The following RPS6KC1 variants were observed in gnomAD, a reference collection of about 807,000 sequenced individuals.
RPS6KC1 encodes the protein ribosomal protein S6 kinase C1, also known as inactive ribosomal protein S6 kinase delta-1.
A neutral mutation model predicts 103.8 loss-of-function variants in RPS6KC1; 54 were observed. That is an observed-to-expected ratio of 0.52 (90% CI 0.42 to 0.65). The LOEUF is 0.65. Ranked by LOEUF, RPS6KC1 falls within the 30% of genes least tolerant of loss-of-function variation. The probability of loss-of-function intolerance (pLI) is 0.00; values close to 1 mark genes in which losing one functional copy is unlikely to be tolerated. For missense variants in RPS6KC1, 1,151 were observed against 1,253.8 expected, an observed-to-expected ratio of 0.92 and a Z score of 1.24; for synonymous variants, 439 against 438.7, an observed-to-expected ratio of 1.00 and a Z score of -0.01.
the RPS6KC1 span, among the ~76,000 whole-genome samples, chr1:213,360,055 G>A: frequency 6.6e-6 from 1 of 152,156 alleles, no homozygotes; most frequent in Non-Finnish European, 1.5e-5. Flanking sequence ...TGTTCTCGAG[G>A]AGTATCTTTG....
the RPS6KC1 span, among the ~76,000 whole-genome samples, chr1:213,418,007 T>A: frequency 6.6e-6 from 1 of 152,116 alleles, no homozygotes; most frequent in Non-Finnish European, 1.5e-5. Flanking sequence ...GCTCTCTGAC[T>A]GAGGGGAAAG....
chr1:213,822,729 T>C, the RPS6KC1 span, among the ~76,000 whole-genome samples: 1 of 152,218 alleles, frequency 6.6e-6, no homozygotes, highest in Admixed American at 6.5e-5. Flanking sequence ...CATCCTGGCT[T>C]CTTCTCTTTC....
At chr1:213,278,930 G>T (rs183799305), downstream of RPS6KC1, among the ~76,000 whole-genome samples, 1 of 151,772 alleles carries the variant, frequency 6.6e-6, no homozygotes, top group Admixed American at 6.6e-5. Flanking sequence ...GAAAGTTCTC[G>T]GGGGGACAAA....
chr1:213,790,757 T>C, the RPS6KC1 span, among the ~76,000 whole-genome samples: 3 of 152,118 alleles, frequency 2.0e-5, no homozygotes, highest in East Asian at 1.9e-4. Flanking sequence ...GTGGAAATAT[T>C]TGTACAAGTT....
At chr1:213,523,694 A>G in the RPS6KC1 span, among the ~76,000 whole-genome samples, 2 of 152,214 alleles carry the variant, frequency 1.3e-5, no homozygotes, top group Admixed American at 6.5e-5. Context: ...GGGTTACAGA[A>G]ATTAATCAAA....
intron 8 of RPS6KC1, among the ~76,000 whole-genome samples, chr1:213,215,459 A>G (rs2093634335): frequency 6.6e-6 from 1 of 152,236 alleles, no homozygotes; most frequent in Non-Finnish European, 1.5e-5. Context: ...ACTCTGCAGA[A>G]TATTATCCAG....
chr1:213,741,126 A>G, the RPS6KC1 span, among the ~76,000 whole-genome samples: 1 of 150,138 alleles, frequency 6.7e-6, no homozygotes, highest in African/African-American at 2.4e-5. Flanking sequence ...TTTCTAATTG[A>G]TAGGTAATAA....
the RPS6KC1 span, among the ~76,000 whole-genome samples, chr1:213,825,159 C>A: frequency 6.6e-6 from 1 of 152,210 alleles, no homozygotes; most frequent in Non-Finnish European, 1.5e-5. Context: ...GGCTCTGAAG[C>A]GTCAATTAAT....
At chr1:213,304,021 C>T in the RPS6KC1 span, among the ~76,000 whole-genome samples, 1 of 151,092 alleles carries the variant, frequency 6.6e-6, no homozygotes, top group African/African-American at 2.4e-5. Context: ...CCGGCTAAAA[C>T]GGTGAAACCC....
At chr1:213,180,120 A>G (rs958777288) in intron 8 of RPS6KC1, among the ~76,000 whole-genome samples, 13 of 152,184 alleles carry the variant, frequency 8.5e-5, no homozygotes, top group Non-Finnish European at 1.5e-4. Flanking sequence ...CAAAAATTGT[A>G]TATGAAGAAT....
intron 12 of RPS6KC1, among the ~76,000 whole-genome samples, chr1:213,249,509 A>G (rs1366017357): frequency 6.6e-6 from 1 of 152,182 alleles, no homozygotes; most frequent in African/African-American, 2.4e-5. Context: ...TGCCTAACAC[A>G]GCAGCAGAGC....
the RPS6KC1 span, among the ~76,000 whole-genome samples, chr1:213,505,830 A>T: frequency 6.6e-6 from 1 of 152,106 alleles, no homozygotes; most frequent in Non-Finnish European, 1.5e-5. Context: ...TGTTTTGATC[A>T]TTCGTGGTCC....
chr1:213,172,953 G>A (rs1485564619), intron 7 of RPS6KC1, among the ~76,000 whole-genome samples: 1 of 152,138 alleles, frequency 6.6e-6, no homozygotes, highest in South Asian at 2.1e-4. Flanking sequence ...TGCTTCTCCC[G>A]TCGCGCTTCA....
the RPS6KC1 span, among the ~76,000 whole-genome samples, chr1:213,458,187 T>C: frequency 1.3e-5 from 2 of 152,180 alleles, no homozygotes; most frequent in Non-Finnish European, 2.9e-5. Flanking sequence ...TATCTATTAT[T>C]GCCATCTTTA....
chr1:213,123,590 TAGCATTA>T (rs2084641709), intron 5 of RPS6KC1, among the ~76,000 whole-genome samples: 1 of 152,206 alleles, frequency 6.6e-6, no homozygotes, highest in South Asian at 2.1e-4. Context: ...GAATCTTAAC[TAGCATTA>T]AGCTTTGGAT....
At chr1:213,442,059 T>C in the RPS6KC1 span, among the ~76,000 whole-genome samples, 1 of 152,234 alleles carries the variant, frequency 6.6e-6, no homozygotes, top group East Asian at 1.9e-4. Context: ...ACAGTGGCTC[T>C]TTAAGATGTA....
chr1:213,166,712 A>C (rs1420334931), intron 6 of RPS6KC1, among the ~76,000 whole-genome samples: 1 of 152,220 alleles, frequency 6.6e-6, no homozygotes, highest in African/African-American at 2.4e-5. Context: ...AAAGTTATTT[A>C]GCGAAATTGC....
At chr1:213,054,932 C>T (rs527419304) in intron 1 of RPS6KC1, among the ~76,000 whole-genome samples, 15 of 152,166 alleles carry the variant, frequency 9.9e-5, no homozygotes, top group Non-Finnish European at 1.9e-4. Context: ...TTTCATCATG[C>T]TAAGTTTACA....
chr1:213,595,615 A>G, the RPS6KC1 span, among the ~76,000 whole-genome samples: 1 of 152,204 alleles, frequency 6.6e-6, no homozygotes, highest in Non-Finnish European at 1.5e-5. Context: ...TGCTTTTGGA[A>G]GACAGTGGTT....
Sources: gnomAD v4.1 joint callset for allele counts (sites outside exome capture counted in the v4.1 genomes callset) on GRCh38, gnomAD v4.1.1 for gene constraint, MANE v1.5 for transcripts, NCBI Gene and HGNC (gene_info 2026-07-23, HGNC 2026-07-21) for gene names.